Variants in ITPKB observed in about 807,000 individuals in gnomAD.
The protein encoded by ITPKB is inositol-trisphosphate 3-kinase B.
In ITPKB, 13 loss-of-function variants were observed where a neutral mutation model predicts 69.4. That is an observed-to-expected ratio of 0.19 (90% CI 0.12 to 0.30). The LOEUF is 0.30. Among genes scored for constraint, ITPKB ranks in the 10% least tolerant of loss-of-function variants. The pLI, the probability that ITPKB is intolerant of heterozygous loss-of-function variation, is 1.00. For synonymous variants in ITPKB, 584 were observed against 513.7 expected, an observed-to-expected ratio of 1.14 and a Z score of -1.85; for missense variants, 1,240 against 1,250.5, an observed-to-expected ratio of 0.99 and a Z score of 0.13.
Position 226,699,361 on chromosome 1 carries a change from C to T in ITPKB, c.1932+36166G>A, listed in dbSNP as rs144842693. 5.8e-3 allele frequency among the ~76,000 whole-genome samples: 879 copies of T among 152,360 alleles called. 6 individuals carry two copies. Among genetic ancestry groups the T allele is most frequent in the Non-Finnish European group, 8.7e-3 (592 of 68,034 alleles). On this transcript the variant is annotated intron_variant, in intron 2 of 7. Coordinates refer to ENST00000429204, the MANE Select transcript of ITPKB (RefSeq NM_002221.4). ...GACGACACGGTCAGATTCCCCAGTG[C>T]GTGAGCCTATACTACAGCAGTGTAG...
chr1:226,644,111 T>C (rs957092765), intron 4 of ITPKB, among the ~76,000 whole-genome samples: 1 of 152,252 alleles, frequency 6.6e-6, no homozygotes, highest in South Asian at 2.1e-4. Flanking sequence ...CAGACCTCAA[T>C]GTGAAATCCC....
At position 226,637,344 on chromosome 1, in the gene ITPKB, T is replaced by C. The variant is rs1476837964; in HGVS notation, c.2625+335A>G. On this transcript the variant is annotated intron_variant, in intron 7 of 7. Coordinates refer to ENST00000429204, the MANE Select transcript of ITPKB (RefSeq NM_002221.4). This position sits in a 1 kb window ranked among gnomAD's most constrained non-coding sequence, Gnocchi z 4.3. ...TGGCGGTCGGCGGGTGCCTGGCTAC[T>C]CTAGCAGCTCAGAGAGCTTCTGCCC... is the stretch of plus-strand genomic sequence containing the variant. Among the ~76,000 whole-genome samples, 1 of 152,254 alleles carries C rather than the reference T, an allele frequency of 6.6e-6. No individual in the cohort carries two copies. The highest frequency in any genetic ancestry group is 6.5e-5 in the Admixed American group (1 of 15,286).
At chr1:226,698,356 C>T (rs1656546418) in intron 2 of ITPKB, among the ~76,000 whole-genome samples, 1 of 152,344 alleles carries the variant, frequency 6.6e-6, no homozygotes, top group South Asian at 2.1e-4. Flanking sequence ...GCTAGGGATG[C>T]TGACTGCTAG....
intron 2 of ITPKB, among the ~76,000 whole-genome samples, chr1:226,731,753 C>T (rs1657593977): frequency 6.6e-6 from 1 of 152,128 alleles, no homozygotes. Flanking sequence ...TCCCAGATCT[C>T]AAAGCTGCTG....
chr1:226,649,300 CATGTGTGTGTGCAT>C (rs1669123001), intron 2 of ITPKB, among the ~76,000 whole-genome samples: 1 of 146,744 alleles, frequency 6.8e-6, no homozygotes, highest in Admixed American at 6.7e-5. Flanking sequence ...CGTGTGTGTG[CATGTGTGTGTGCAT>C]ATGTGTGCAT....
chr1:226,725,748 G>A (rs1281336615), intron 2 of ITPKB, among the ~76,000 whole-genome samples: 1 of 152,200 alleles, frequency 6.6e-6, no homozygotes, highest in Non-Finnish European at 1.5e-5. Flanking sequence ...CACAGCCGGA[G>A]GAGGCTGCGT....
chr1:226,647,421 G>T, intron 3 of ITPKB, 41 bp from the exon 4 acceptor site: 1 of 1,504,842 alleles, frequency 6.6e-7, no homozygotes, highest in Non-Finnish European at 9.1e-7. Context: ...TCCGGCTGCA[G>T]GTAGCTGGCA....
rs775416657 is a variant in ITPKB at position 226,648,726 on chromosome 1, A to T, written c.1978T>A (p.Phe660Ile). Residue 660 changes from phenylalanine to isoleucine, a missense_variant, in exon 3 of 8, where the codon TTC (phenylalanine) becomes ATC (isoleucine). Transcript: ENST00000429204. ...TACTTCTTCTTGAAGGACATGACGA[A>T]GGGAGACCAGTGCACCATGTTTTTT... Reference protein sequence around the residue: ...KIKNMVHWSPFVMSFKKKYPW... With the variant: ...KIKNMVHWSPIVMSFKKKYPW... 1 of 1,613,456 alleles carries T rather than the reference A, an allele frequency of 6.2e-7. No homozygotes were observed. Among genetic ancestry groups the T allele is most frequent in the Non-Finnish European group, 8.5e-7 (1 of 1,179,318 alleles).
chr1:226,727,269 C>T (rs1657454102), intron 2 of ITPKB, among the ~76,000 whole-genome samples: 1 of 152,220 alleles, frequency 6.6e-6, no homozygotes, highest in Admixed American at 6.5e-5. Context: ...ACAGGAGATC[C>T]TGCTGAATTA....
At chr1:226,635,076 T>C (rs1668804164) in intron 7 of ITPKB, among the ~76,000 whole-genome samples, 190 bp from the exon 8 acceptor site, 1 of 152,132 alleles carries the variant, frequency 6.6e-6, no homozygotes, top group Admixed American at 6.5e-5. Context: ...GCAGAGGGCA[T>C]CGGGTTCCAG....
At chr1:226,652,452 AAGG>A (rs1235682384) in intron 2 of ITPKB, among the ~76,000 whole-genome samples, 3 of 152,194 alleles carry the variant, frequency 2.0e-5, no homozygotes. Context: ...CAAGGCAAGA[AAGG>A]AGGACAACCC....
Position 226,634,519 on chromosome 1 carries a change from C to CTA in ITPKB, c.*150_*151dup. The CTA allele has an allele frequency of 1.7e-6, 1 of 599,494 alleles. No homozygotes were observed. Among genetic ancestry groups the CTA allele is most frequent in the Non-Finnish European group, 3.0e-6 (1 of 333,656 alleles). The allele number at this position is 599,494 out of a possible 1,614,324, so 37.1% of individuals were successfully genotyped here. ...CCAAGCCCTGAAGTTAGGAAAATGA[C>CTA]TAGAAACTCTCATCTCCTCTTCTAC... On this transcript the variant is annotated 3_prime_UTR_variant, in exon 8 of 8. Coordinates refer to ENST00000429204, the MANE Select transcript of ITPKB (RefSeq NM_002221.4). The surrounding 1 kb of genome is among the most constrained non-coding windows in gnomAD (Gnocchi z 6.3).
intron 4 of ITPKB, among the ~76,000 whole-genome samples, chr1:226,645,227 G>T (rs578046576): frequency 6.6e-6 from 1 of 152,178 alleles, no homozygotes; most frequent in East Asian, 1.9e-4. Flanking sequence ...AGGAAAGATC[G>T]GGCTGGGTGC....
chr1:226,646,054 C>A (rs547946157), intron 4 of ITPKB, among the ~76,000 whole-genome samples: 4 of 152,354 alleles, frequency 2.6e-5, no homozygotes, highest in African/African-American at 9.6e-5. Context: ...CTCTCACACA[C>A]ACACCCCTCT....
chr1:226,661,259 G>A (rs1669398334), intron 2 of ITPKB, among the ~76,000 whole-genome samples: 1 of 152,200 alleles, frequency 6.6e-6, no homozygotes, highest in Non-Finnish European at 1.5e-5. Context: ...CATAGCATGC[G>A]AGCTGTTCTA....
intron 2 of ITPKB, among the ~76,000 whole-genome samples, chr1:226,720,963 A>G (rs1315309260): frequency 6.6e-6 from 1 of 150,566 alleles, no homozygotes; most frequent in African/African-American, 2.5e-5. Flanking sequence ...AATCGCTTGA[A>G]CCCGGGCAGC....
intron 2 of ITPKB, among the ~76,000 whole-genome samples, chr1:226,693,117 G>A (rs972661307): frequency 1.3e-5 from 2 of 152,244 alleles, no homozygotes; most frequent in African/African-American, 4.8e-5. Context: ...AGCCCTTGAA[G>A]GTAGCACATT....
intron 2 of ITPKB, among the ~76,000 whole-genome samples, chr1:226,712,082 G>A (rs1656974696): frequency 6.6e-6 from 1 of 152,178 alleles, no homozygotes; most frequent in Non-Finnish European, 1.5e-5. Context: ...CCGCGAGGGT[G>A]GAAACTTAGC....
intron 2 of ITPKB, chr1:226,707,928 GA>G (rs758667201): frequency 9.0e-6 from 12 of 1,329,240 alleles, no homozygotes; most frequent in Non-Finnish European, 1.2e-5. Context: ...AAAGGGAGAA[GA>G]AAAGAGGTCA....
Sources: allele counts gnomAD v4.1 joint callset (sites outside exome capture counted in the v4.1 genomes callset), GRCh38; gene constraint gnomAD v4.1.1; non-coding constraint Gnocchi (gnomAD v3.1); transcripts MANE v1.5; gene names NCBI Gene and HGNC (gene_info 2026-07-23, HGNC 2026-07-21).